TBC1D32: variants seen among roughly 807,000 people sequenced by gnomAD.
TBC1D32 encodes the protein TBC1 domain family member 32.
Under a neutral mutation model 170.3 loss-of-function variants are expected in TBC1D32, and 151 were observed. The ratio of observed to expected loss-of-function variants is 0.89; its 90% confidence interval spans 0.78 to 1.01. The LOEUF (loss-of-function observed/expected upper bound fraction) is 1.01, where lower values mean the gene tolerates loss of function less well. Among genes scored for constraint, TBC1D32 ranks in the 50% least tolerant of loss-of-function variants. The pLI, the probability that TBC1D32 is intolerant of heterozygous loss-of-function variation, is 0.00. For missense variants in TBC1D32, 1,464 were observed against 1,457.1 expected, an observed-to-expected ratio of 1.00 and a Z score of -0.08; for synonymous variants, 498 against 488.0, an observed-to-expected ratio of 1.02 and a Z score of -0.27.
rs144704700 is a variant in TBC1D32 at position 121,149,329 on chromosome 6, G to A, written c.2773+10681C>T. 1.1e-4 allele frequency among the ~76,000 whole-genome samples: 17 copies of A among 152,188 alleles called. No individual in the cohort carries two copies. In the East Asian group the frequency reaches 3.1e-3, roughly 28 times the overall value. On this transcript the variant is annotated intron_variant, in intron 24 of 31. Transcript: ENST00000398212. ...TTGGTGTTTTAGTCATGAAGTCTTT[G>A]CCCATGTCTATGTCCTGAATGGTAT...
At position 121,307,970 on chromosome 6, in the gene TBC1D32, T is replaced by C; in HGVS notation, c.690+6A>G. 1 of 1,608,068 alleles carries C rather than the reference T, an allele frequency of 6.2e-7. No homozygotes were observed. The highest frequency in any genetic ancestry group is 8.5e-7 in the Non-Finnish European group (1 of 1,178,374). ...ATTTTTAATATTTCTATAACCATTT[T>C]CTTACACTAAACACAGGATCAGGAT... On this transcript the variant is annotated splice_donor_region_variant and intron_variant, in intron 5 of 31. Transcript: ENST00000398212.
At chr6:121,141,401 T>A (rs939782427) in intron 24 of TBC1D32, among the ~76,000 whole-genome samples, 1 of 152,156 alleles carries the variant, frequency 6.6e-6, no homozygotes, top group Non-Finnish European at 1.5e-5. Flanking sequence ...GCAAAGCACT[T>A]ATCTCAAAAG....
intron 29 of TBC1D32, among the ~76,000 whole-genome samples, chr6:121,108,077 C>T (rs375267185): frequency 1.8e-4 from 27 of 152,142 alleles, no homozygotes; most frequent in African/African-American, 6.3e-4. Flanking sequence ...AGAAAATACA[C>T]TAATGATTGC....
At chr6:121,248,547 A>C (rs963503335) in intron 17 of TBC1D32, among the ~76,000 whole-genome samples, 1 of 151,784 alleles carries the variant, frequency 6.6e-6, no homozygotes, top group African/African-American at 2.4e-5. Flanking sequence ...AAAAGATAAA[A>C]CTGATAACCA....
At chr6:121,257,757 T>G (rs1188513199) in intron 15 of TBC1D32, among the ~76,000 whole-genome samples, 2 of 152,030 alleles carry the variant, frequency 1.3e-5, no homozygotes, top group East Asian at 3.9e-4. Flanking sequence ...GTCAATCCAT[T>G]GCAGTCATTA....
chr6:121,105,166 T>C (rs1218921404), intron 30 of TBC1D32, among the ~76,000 whole-genome samples: 1 of 151,918 alleles, frequency 6.6e-6, no homozygotes, highest in African/African-American at 2.4e-5. Flanking sequence ...ATTATGGACA[T>C]ATCATTAAAC....
intron 8 of TBC1D32, 148 bp from the exon 9 acceptor site, chr6:121,303,909 T>C: frequency 2.1e-6 from 1 of 478,314 alleles, no homozygotes; most frequent in Non-Finnish European, 3.4e-6. Flanking sequence ...TCAATGTTTC[T>C]GCTTTAACTA....
At chr6:121,324,378 A>T (rs895701555) in intron 1 of TBC1D32, among the ~76,000 whole-genome samples, 31 of 152,284 alleles carry the variant, frequency 2.0e-4, no homozygotes, top group African/African-American at 7.5e-4. Flanking sequence ...ATTTTCTTTA[A>T]AATGTTCAAT....
At chr6:121,222,611 A>G (rs1794651937) in intron 21 of TBC1D32, among the ~76,000 whole-genome samples, 1 of 152,164 alleles carries the variant, frequency 6.6e-6, no homozygotes, top group African/African-American at 2.4e-5. Context: ...CAAAGCAACC[A>G]GAAAATGAAA....
At position 121,281,539 on chromosome 6, in the gene TBC1D32, C is replaced by T. The variant is rs747916684; in HGVS notation, c.1608+5G>A. 1.4e-5 allele frequency: 22 copies of T among 1,601,124 alleles called. No homozygotes were observed. Among genetic ancestry groups the T allele is most frequent in the East Asian group, 1.1e-4 (5 of 44,132 alleles). ...CTCTTTTTCTCCTTAGTAAATAATACGAACCTCATTTCCTTTCATTAAATT... is the reference window on the plus strand; with the variant it reads ...CTCTTTTTCTCCTTAGTAAATAATATGAACCTCATTTCCTTTCATTAAATT... On this transcript the variant is annotated splice_donor_5th_base_variant and intron_variant, in intron 14 of 31. Coordinates refer to ENST00000398212, the MANE Select transcript of TBC1D32 (RefSeq NM_152730.6).
chr6:121,215,991 T>A (rs1356802940), intron 21 of TBC1D32, among the ~76,000 whole-genome samples: 1 of 152,230 alleles, frequency 6.6e-6, no homozygotes, highest in East Asian at 1.9e-4. Flanking sequence ...AACCCAGCAA[T>A]CCCATTACTG....
chr6:121,155,253 G>A (rs1784735994), intron 24 of TBC1D32, among the ~76,000 whole-genome samples: 1 of 151,976 alleles, frequency 6.6e-6, no homozygotes, highest in African/African-American at 2.4e-5. Context: ...TACTGTGTGT[G>A]GGTGTGTGTG....
At position 121,283,875 on chromosome 6, in the gene TBC1D32, T is replaced by C. The variant is rs1258995885; in HGVS notation, c.1408A>G (p.Thr470Ala). The C allele has an allele frequency of 6.2e-7, 1 of 1,611,062 alleles. No individual in the cohort carries two copies. Among genetic ancestry groups the C allele is most frequent in the Non-Finnish European group, 8.5e-7 (1 of 1,178,298 alleles). Residue 470 changes from threonine (T) to alanine (A), a missense_variant, in exon 13 of 32, where the codon ACC (threonine) becomes GCC (alanine). Physicochemically the swap from Thr to Ala is moderately conservative, Grantham distance 58. Around this residue, in one of 3 missense-constraint regions of TBC1D32, gnomAD observed 1,363 missense variants for 1,338.1 expected, o/e 1.02. Transcript: ENST00000398212. ...CTTGGTGAGTAATAGATAAGTTGGG[T>C]AAAAAGAACAAGCAGATCTATGAGG... is the stretch of plus-strand genomic sequence containing the variant. ...VSLIDLLVLF[T>A]QLIYYSPSCP...
intron 22 of TBC1D32, among the ~76,000 whole-genome samples, chr6:121,162,707 T>G (rs1022443223): frequency 1.3e-5 from 2 of 152,040 alleles, no homozygotes; most frequent in Non-Finnish European, 2.9e-5. Context: ...GGATACAAAA[T>G]CAACATGCAG....
intron 27 of TBC1D32, 88 bp downstream of exon 27, chr6:121,115,084 G>A (rs1779559481): frequency 1.1e-6 from 1 of 942,292 alleles, no homozygotes; most frequent in Non-Finnish European, 1.5e-6. Context: ...AAAATAGTTG[G>A]TTGTTAAATT....
At chr6:121,244,968 C>G (rs1797420594) in intron 17 of TBC1D32, among the ~76,000 whole-genome samples, 1 of 152,196 alleles carries the variant, frequency 6.6e-6, no homozygotes, top group Non-Finnish European at 1.5e-5. Flanking sequence ...ACAGCTGGTA[C>G]TCCTCTTGCA....
At chr6:121,245,709 A>G (rs1463790818) in intron 17 of TBC1D32, among the ~76,000 whole-genome samples, 3 of 152,108 alleles carry the variant, frequency 2.0e-5, no homozygotes, top group African/African-American at 7.2e-5. Context: ...GGGTGACTTC[A>G]GCCCCACGGG....
intron 3 of TBC1D32, among the ~76,000 whole-genome samples, chr6:121,313,114 GTGTGTGT>G (rs1808461904): frequency 1.2e-4 from 2 of 17,318 alleles, no homozygotes; most frequent in African/African-American, 3.6e-4. Flanking sequence ...TGGTGTGTGT[GTGTGTGT>G]GTGTGTGTGT....
rs1237201553 is a variant in TBC1D32 at position 121,272,626 on chromosome 6, T to C, written c.1733+6495A>G. Among the ~76,000 whole-genome samples the C allele has an allele frequency of 5.9e-5, 9 of 152,210 alleles. No individual in the cohort carries two copies. The East Asian group carries it at 1.5e-3, about 26-fold the overall frequency. ...AGGAAACAACAGGTGCTGGAGAGGA[T>C]GTGGAGAAATAGGAACACTTTTACA... On this transcript the variant is annotated intron_variant, in intron 15 of 31. Coordinates refer to ENST00000398212, the MANE Select transcript of TBC1D32 (RefSeq NM_152730.6).
Sources: gnomAD v4.1 joint callset for allele counts (sites outside exome capture counted in the v4.1 genomes callset) on GRCh38, gnomAD v4.1.1 for gene constraint, gnomAD v4.1.1 regional missense constraint, MANE v1.5 for transcripts, NCBI Gene and HGNC (gene_info 2026-07-23, HGNC 2026-07-21) for gene names.